Variants in PYROXD1 observed in about 807,000 individuals in gnomAD.
PYROXD1 encodes the protein pyridine nucleotide-disulphide oxidoreductase domain 1.
A neutral mutation model predicts 62.0 loss-of-function variants in PYROXD1; 42 were observed. That is an observed-to-expected ratio of 0.68 (90% CI 0.53 to 0.88). The LOEUF is 0.88. Among genes scored for constraint, PYROXD1 ranks in the 40% least tolerant of loss-of-function variants. The pLI is 0.00. For missense variants in PYROXD1, 493 were observed against 604.8 expected (o/e 0.82, Z 1.94); for synonymous variants, 170 against 206.4 (o/e 0.82, Z 1.51).
At chr12:21,463,705 A>C (rs1221263714) in intron 10 of PYROXD1, among the ~76,000 whole-genome samples, 1 of 151,726 alleles carries the variant, frequency 6.6e-6, no homozygotes, top group Non-Finnish European at 1.5e-5. Flanking sequence ...AAAAAAAAAA[A>C]AAAATTCCTG....
intron 10 of PYROXD1, among the ~76,000 whole-genome samples, chr12:21,466,020 G>T (rs962760026): frequency 2.0e-5 from 3 of 152,040 alleles, no homozygotes; most frequent in Non-Finnish European, 2.9e-5. Context: ...TGCTCGATTG[G>T]TCTATATCTC....
chr12:21,458,388 A>G (rs1942637440), intron 7 of PYROXD1, among the ~76,000 whole-genome samples: 2 of 152,208 alleles, frequency 1.3e-5, no homozygotes, highest in African/African-American at 4.8e-5. Flanking sequence ...CCACACCACT[A>G]AAACTTTCTC....
rs376801179 is a variant in PYROXD1 at position 21,462,049 on chromosome 12, T to G, written c.922T>G (p.Tyr308Asp). The change falls in exon 9 of 12, where the codon TAT becomes GAT. Residue 308 changes from tyrosine to aspartate, a missense_variant. Physicochemically the swap from Tyr to Asp is radical, Grantham distance 160 (BLOSUM62 -3). Transcript: ENST00000240651. ...VYVELTNEKIYGCDFIVSATG... is the reference protein window; with the variant it reads ...VYVELTNEKIDGCDFIVSATG... ...TGTGGAATTGACCAATGAAAAGATATATGGCTGCGATTTCATTGTCAGTGC... is the reference window on the plus strand; with the variant it reads ...TGTGGAATTGACCAATGAAAAGATAGATGGCTGCGATTTCATTGTCAGTGC... 6.2e-7 allele frequency: 1 copy of G among 1,612,410 alleles called. No individual in the cohort carries two copies. The highest frequency in any genetic ancestry group is 8.5e-7 in the Non-Finnish European group (1 of 1,179,474).
chr12:21,451,752 A>G (rs534838873), intron 4 of PYROXD1, among the ~76,000 whole-genome samples: 3 of 152,300 alleles, frequency 2.0e-5, no homozygotes, highest in Admixed American at 1.3e-4. Flanking sequence ...AAAAGAAAGA[A>G]TAATTGATTT....
intron 7 of PYROXD1, among the ~76,000 whole-genome samples, chr12:21,459,699 A>G (rs1213980918): frequency 1.3e-5 from 2 of 152,208 alleles, no homozygotes; most frequent in East Asian, 3.9e-4. Flanking sequence ...GAATTAGAGG[A>G]CAGCCAGATG....
rs372947261 is a variant in PYROXD1 at position 21,470,985 on chromosome 12, G to A, written c.*2231G>A. The A allele has an allele frequency of 1.5e-5, 23 of 1,552,730 alleles. No homozygotes were observed. The highest frequency in any genetic ancestry group is 1.7e-4 in the Middle Eastern group (1 of 5,822). ...GCCATTTACCCTGAAAGAGTTCTGC[G>A]TGGACTTTGTCACTTGCATAGTAAT... On this transcript the variant is annotated 3_prime_UTR_variant, in exon 12 of 12. Coordinates refer to ENST00000240651, the MANE Select transcript of PYROXD1 (RefSeq NM_024854.5).
In PYROXD1 at chr12:21,437,945, T is replaced by C. The variant is rs189396450; in HGVS notation, c.84+131T>C. The stretch of plus-strand genomic sequence containing the variant: ...TTTGCTGCGCCCTTTTCCGCACTTA[T>C]TGCTCCCAGATTTTAGAAACTGCTT... On this transcript the variant is annotated intron_variant, in intron 1 of 11. Transcript: ENST00000240651. 1.5e-4 allele frequency: 120 copies of C among 793,796 alleles called. No individual in the cohort carries two copies. The African/African-American group carries it at 1.5e-3, about 10-fold the overall frequency. The allele number at this position is 793,796 out of a possible 1,614,324, so 49.2% of individuals were successfully genotyped here. A position where few individuals can be genotyped will look rare whatever the true frequency, so the allele number is the denominator to read the frequency against.
At chr12:21,449,858 CTTTTTTT>C (rs71537701) in intron 4 of PYROXD1, among the ~76,000 whole-genome samples, 167 bp downstream of exon 4, 12 of 147,460 alleles carry the variant, frequency 8.1e-5, no homozygotes, top group African/African-American at 2.2e-4. Context: ...AATTTTCTTT[CTTTTTTT>C]TTTTTTTTTT....
At position 21,468,546 on chromosome 12, in the gene PYROXD1, C is replaced by T. The variant is rs777167465; in HGVS notation, c.1295C>T (p.Ser432Leu). Residue 432 changes from serine (S) to leucine (L), a missense_variant, in exon 12 of 12, where the codon TCA becomes TTA. Around this residue, in one of 2 missense-constraint regions of PYROXD1, gnomAD observed 329 missense variants for 446.6 expected, o/e 0.74. Transcript: ENST00000240651. ...AAATACAATGCACAGGGCTTAGGTT[C>T]AGATCATGAATTAATGCTGAGATGT... ...LGKYNAQGLGSDHELMLRCTK... is the reference protein window; with the variant it reads ...LGKYNAQGLGLDHELMLRCTK... 9 of 1,612,586 alleles carry T rather than the reference C, an allele frequency of 5.6e-6. No homozygotes were observed. Among genetic ancestry groups the T allele is most frequent in the Non-Finnish European group, 7.6e-6 (9 of 1,179,120 alleles).
chr12:21,468,808 A>G lies in PYROXD1; in HGVS notation c.*54A>G, dbSNP rs1234931275. ...AGTTCCAAATGACACCAGAAAAATCACAAGTCAATAAAATGAATGACTGTA... is the reference window on the plus strand; with the variant it reads ...AGTTCCAAATGACACCAGAAAAATCGCAAGTCAATAAAATGAATGACTGTA... On this transcript the variant is annotated 3_prime_UTR_variant, in exon 12 of 12. Coordinates refer to ENST00000240651, the MANE Select transcript of PYROXD1 (RefSeq NM_024854.5). 18 of 1,506,076 alleles carry G rather than the reference A, an allele frequency of 1.2e-5. No individual in the cohort carries two copies. The highest frequency in any genetic ancestry group is 1.4e-5 in the Non-Finnish European group (16 of 1,109,906). 93.3% of individuals were successfully genotyped at this position (1,506,076 alleles called of 1,614,324 possible). A position where few individuals can be genotyped will look rare whatever the true frequency, so the allele number is the denominator to read the frequency against.
At chr12:21,466,539 T>C (rs1400895449) in intron 10 of PYROXD1, among the ~76,000 whole-genome samples, 1 of 152,240 alleles carries the variant, frequency 6.6e-6, no homozygotes, top group Non-Finnish European at 1.5e-5. Context: ...TTGCTGAAGT[T>C]GCTTATCAGC....
chr12:21,467,694 C>A (rs981894334), intron 11 of PYROXD1, 76 bp downstream of exon 11: 4 of 1,191,934 alleles, frequency 3.4e-6, no homozygotes, highest in African/African-American at 3.1e-5. Flanking sequence ...GATTTTCTTG[C>A]TTGAATAAAA....
chr12:21,450,024 ATTTTT>A lies in PYROXD1; in HGVS notation c.414+347_414+351del, dbSNP rs57680030. On this transcript the variant is annotated intron_variant, in intron 4 of 11. Transcript: ENST00000240651. ...AGGTGCCTGCCACCACGCCTGGCTG[ATTTTT>A]TTTTTTTTTTTTTGTATTTTTAGTA... Among the ~76,000 whole-genome samples the A allele has an allele frequency of 1.1e-3, 149 of 140,906 alleles. 2 individuals are homozygous for A. The highest frequency in any genetic ancestry group is 1.2e-3 in the Non-Finnish European group (78 of 64,950). The allele number at this position is 140,906 out of a possible 152,430, so 92.4% of individuals were successfully genotyped here. A position where few individuals can be genotyped will look rare whatever the true frequency, so the allele number is the denominator to read the frequency against.
intron 5 of PYROXD1, among the ~76,000 whole-genome samples, chr12:21,454,189 A>G (rs763616821): frequency 1.5e-4 from 23 of 152,028 alleles, no homozygotes; most frequent in Non-Finnish European, 2.9e-4. Context: ...CGTGTAACCT[A>G]TGTTATATCA....
At position 21,437,684 on chromosome 12, in the gene PYROXD1, C is replaced by G; in HGVS notation, c.-47C>G. 2.6e-6 allele frequency: 4 copies of G among 1,568,448 alleles called. No individual in the cohort carries two copies. In the South Asian group the frequency reaches 3.5e-5, roughly 14 times the overall value. On this transcript the variant is annotated 5_prime_UTR_variant, in exon 1 of 12. Coordinates refer to ENST00000240651, the MANE Select transcript of PYROXD1 (RefSeq NM_024854.5). Reference sequence around the variant, plus strand: ...GCTTCCTCTCCTGGAGTCCAGAGTCCCGTTGCTCCGCCGCGATATTCAGTA... The same window carrying G: ...GCTTCCTCTCCTGGAGTCCAGAGTCGCGTTGCTCCGCCGCGATATTCAGTA...
rs147619410 is a variant in PYROXD1, at chr12:21,449,503, A to G, written c.286-60A>G. 18,784 of 1,509,038 alleles carry G rather than the reference A, an allele frequency of 0.012. 164 individuals carry two copies. Among genetic ancestry groups the G allele is most frequent in the Middle Eastern group, 0.016 (85 of 5,340 alleles). 93.5% of individuals were successfully genotyped at this position (1,509,038 alleles called of 1,614,324 possible). On this transcript the variant is annotated intron_variant, in intron 3 of 11. Coordinates refer to ENST00000240651, the MANE Select transcript of PYROXD1 (RefSeq NM_024854.5). ...CTTATTGAATTTTTAGTTTAAAGTG[A>G]AGTTGTATCCATGTTGATTATGTGT...
intron 3 of PYROXD1, among the ~76,000 whole-genome samples, chr12:21,446,921 G>T (rs1308396508): frequency 6.6e-6 from 1 of 151,960 alleles, no homozygotes; most frequent in Non-Finnish European, 1.5e-5. Flanking sequence ...TCTCAAAAAG[G>T]ATAATAATAA....
At chr12:21,446,090 G>A (rs1374027983) in intron 3 of PYROXD1, among the ~76,000 whole-genome samples, 2 of 152,194 alleles carry the variant, frequency 1.3e-5, no homozygotes, top group Admixed American at 6.5e-5. Flanking sequence ...TAGAAGATAA[G>A]TAAGTGAGAA....
chr12:21,439,645 T>C (rs1024721528), intron 1 of PYROXD1, among the ~76,000 whole-genome samples: 1 of 152,094 alleles, frequency 6.6e-6, no homozygotes, highest in Non-Finnish European at 1.5e-5. Context: ...TAAGGATTCA[T>C]AGATCCCTCA....
Sources: gnomAD v4.1 joint callset for allele counts (sites outside exome capture counted in the v4.1 genomes callset) on GRCh38, gnomAD v4.1.1 for gene constraint, gnomAD v4.1.1 regional missense constraint, MANE v1.5 for transcripts, NCBI Gene and HGNC (gene_info 2026-07-23, HGNC 2026-07-21) for gene names.